MAPKAP1: variants seen among roughly 807,000 people sequenced by gnomAD.
MAPKAP1 encodes target of rapamycin complex 2 subunit MAPKAP1.
Under a neutral mutation model 65.7 loss-of-function variants are expected in MAPKAP1, and 20 were observed. The observed-to-expected ratio is 0.30, with a 90% CI of 0.21 to 0.44. The LOEUF (loss-of-function observed/expected upper bound fraction) is 0.44, where lower values mean the gene tolerates loss of function less well. Among genes scored for constraint, MAPKAP1 ranks in the 20% least tolerant of loss-of-function variants. MAPKAP1 has a pLI of 1.00. For missense variants in MAPKAP1, 423 were observed against 648.0 expected, an observed-to-expected ratio of 0.65 and a Z score of 3.77; for synonymous variants, 222 against 244.3, an observed-to-expected ratio of 0.91 and a Z score of 0.85.
chr9:125,437,402 T>C lies in MAPKAP1; in HGVS notation c.*1485A>G, dbSNP rs1256534870. On this transcript the variant is annotated 3_prime_UTR_variant, in exon 12 of 12. Transcript: ENST00000265960. ...AACACAATATGCAAAAGTGTGTATT[T>C]ATATGACTTTTATTTTAATATCATT... The C allele has an allele frequency of 2.0e-5, 3 of 152,386 alleles. No homozygotes were observed. The highest frequency in any genetic ancestry group is 2.0e-4 in the Admixed American group (3 of 15,292). The allele number at this position is 152,386 out of a possible 1,614,324, so 9.4% of individuals were successfully genotyped here.
At chr9:125,673,178 C>T (rs933853262) in intron 1 of MAPKAP1, among the ~76,000 whole-genome samples, 6 of 152,168 alleles carry the variant, frequency 3.9e-5, no homozygotes, top group Non-Finnish European at 8.8e-5. Flanking sequence ...ATTAATGTTG[C>T]TCAATGAATA....
chr9:125,590,108 C>A (rs1339412324), intron 4 of MAPKAP1, among the ~76,000 whole-genome samples: 1 of 152,166 alleles, frequency 6.6e-6, no homozygotes, highest in African/African-American at 2.4e-5. Flanking sequence ...TATTCCTCTT[C>A]CTCTGGAAGC....
In MAPKAP1 at chr9:125,595,695, C is replaced by T. The variant is rs149770827; in HGVS notation, c.499-9968G>A. The T allele has an allele frequency of 3.6e-3, 5,606 of 1,553,498 alleles. 12 individuals carry two copies. The highest frequency in any genetic ancestry group is 4.3e-3 in the Non-Finnish European group (4,937 of 1,155,056). ...CCTAAGTCAGAGTCTCCTAAAGAGC[C>T]GGAACAGCTAAGGAATCTCTTCATT... On this transcript the variant is annotated intron_variant, in intron 4 of 11. Coordinates refer to ENST00000265960, the MANE Select transcript of MAPKAP1 (RefSeq NM_001006617.3). This position sits in a 1 kb window ranked among gnomAD's most constrained non-coding sequence, Gnocchi z 4.0.
chr9:125,467,573 C>G (rs1280709749), intron 10 of MAPKAP1, among the ~76,000 whole-genome samples: 3 of 152,200 alleles, frequency 2.0e-5, no homozygotes, highest in Non-Finnish European at 1.5e-5. Context: ...CCCAGCTTCC[C>G]TCCATCTCAC....
At chr9:125,505,634 A>C (rs1829118000) in intron 8 of MAPKAP1, among the ~76,000 whole-genome samples, 1 of 152,240 alleles carries the variant, frequency 6.6e-6, no homozygotes. Flanking sequence ...AAGACAGGAC[A>C]TTTAAACTGA....
At chr9:125,518,175 C>T (rs1232732003) in intron 7 of MAPKAP1, among the ~76,000 whole-genome samples, 1 of 152,144 alleles carries the variant, frequency 6.6e-6, no homozygotes, top group African/African-American at 2.4e-5. Context: ...CATTAAAGTA[C>T]CGTTTTAATA....
At chr9:125,537,420 T>A (rs1830104833) in intron 7 of MAPKAP1, among the ~76,000 whole-genome samples, 1 of 152,214 alleles carries the variant, frequency 6.6e-6, no homozygotes, top group African/African-American at 2.4e-5. Context: ...AGCTCCCATG[T>A]CGTTGGAAGG....
At chr9:125,528,477 G>A (rs563511162) in intron 7 of MAPKAP1, among the ~76,000 whole-genome samples, 1 of 152,352 alleles carries the variant, frequency 6.6e-6, no homozygotes, top group Admixed American at 6.5e-5. Flanking sequence ...AGTTATGCCT[G>A]AGCCTGGGAG....
At chr9:125,476,626 A>G (rs1313372904) in intron 9 of MAPKAP1, among the ~76,000 whole-genome samples, 1 of 151,962 alleles carries the variant, frequency 6.6e-6, no homozygotes, top group Non-Finnish European at 1.5e-5. Context: ...GTGCCTGAGG[A>G]GTGAGGCAGT....
chr9:125,574,855 C>A (rs1288834680), intron 5 of MAPKAP1, among the ~76,000 whole-genome samples: 1 of 152,168 alleles, frequency 6.6e-6, no homozygotes, highest in African/African-American at 2.4e-5. Context: ...ATAGTTTCCA[C>A]CCTCATTTTA....
Position 125,701,888 on chromosome 9 carries a change from G to A in MAPKAP1, c.-70+5083C>T, listed in dbSNP as rs770598135. On this transcript the variant is annotated intron_variant, in intron 1 of 11. Coordinates refer to ENST00000265960, the MANE Select transcript of MAPKAP1 (RefSeq NM_001006617.3). ...CTTGCCACTCTCCAAAACTATCAGC[G>A]CAAGCTACAATGCCCCCTCACACTG... is the stretch of plus-strand genomic sequence containing the variant. Among the ~76,000 whole-genome samples, 30 of 152,074 alleles carry A rather than the reference G, an allele frequency of 2.0e-4. 1 individual carries two copies. The highest frequency in any genetic ancestry group is 6.2e-4 in the South Asian group (3 of 4,826).
Position 125,518,248 on chromosome 9 carries a change from T to A in MAPKAP1, c.959-11831A>T, listed in dbSNP as rs529497156. Among the ~76,000 whole-genome samples the A allele has an allele frequency of 2.0e-4, 31 of 152,348 alleles. 1 individual carries two copies. Among genetic ancestry groups the A allele is most frequent in the African/African-American group, 6.5e-4 (27 of 41,578 alleles). Reference sequence around the variant, plus strand: ...AAACTATTAAATAAATTATGGTATATCTATACACTGGGCTGTCATATGGTT... The same window carrying A: ...AAACTATTAAATAAATTATGGTATAACTATACACTGGGCTGTCATATGGTT... On this transcript the variant is annotated intron_variant, in intron 7 of 11. Transcript: ENST00000265960.
chr9:125,631,277 C>CT (rs1280603933), intron 4 of MAPKAP1, among the ~76,000 whole-genome samples: 1 of 152,138 alleles, frequency 6.6e-6, no homozygotes, highest in African/African-American at 2.4e-5. Context: ...CCATAAAAAC[C>CT]TTTTTGTTTT....
chr9:125,615,871 G>A (rs541584997), intron 4 of MAPKAP1, among the ~76,000 whole-genome samples: 70 of 150,902 alleles, frequency 4.6e-4, no homozygotes, highest in African/African-American at 1.6e-3. Context: ...CCAAGATCAC[G>A]CTGCTGCACT....
intron 6 of MAPKAP1, among the ~76,000 whole-genome samples, chr9:125,558,017 C>T (rs150541441): frequency 1.2e-4 from 18 of 152,206 alleles, no homozygotes; most frequent in African/African-American, 3.1e-4. Flanking sequence ...CCACTGCATC[C>T]GGTTAATTTT....
intron 10 of MAPKAP1, among the ~76,000 whole-genome samples, chr9:125,460,554 G>T (rs921374240): frequency 2.6e-5 from 4 of 152,148 alleles, no homozygotes; most frequent in Non-Finnish European, 5.9e-5. Flanking sequence ...TGACGAATAT[G>T]GGAGGTGTGC....
At chr9:125,567,994 G>C (rs901305121) in intron 5 of MAPKAP1, 1 of 152,350 alleles carries the variant, frequency 6.6e-6, no homozygotes, top group Admixed American at 6.5e-5. Context: ...ACAACTTTGG[G>C]TAAGTAATGG....
At chr9:125,521,683 C>A in intron 7 of MAPKAP1, 1 of 1,594,664 alleles carries the variant, frequency 6.3e-7, no homozygotes. Context: ...CAGTCCAGTA[C>A]TCAAAACCCA....
intron 10 of MAPKAP1, among the ~76,000 whole-genome samples, chr9:125,464,742 C>T (rs141131213): frequency 3.3e-5 from 5 of 152,274 alleles, no homozygotes; most frequent in African/African-American, 9.6e-5. Flanking sequence ...TGGGTCTCTC[C>T]GGTCCCGCAG....
Sources: allele counts gnomAD v4.1 joint callset (sites outside exome capture counted in the v4.1 genomes callset), GRCh38; gene constraint gnomAD v4.1.1; non-coding constraint Gnocchi (gnomAD v3.1); transcripts MANE v1.5; gene names NCBI Gene and HGNC (gene_info 2026-07-23, HGNC 2026-07-21).